The following NEGR1 variants were observed in gnomAD, a reference collection of about 807,000 sequenced individuals.
The protein encoded by NEGR1 is IgLON family member 4.
In NEGR1, 10 loss-of-function variants were observed where a neutral mutation model predicts 40.9. The observed-to-expected ratio is 0.24, with a 90% CI of 0.15 to 0.42. The LOEUF (loss-of-function observed/expected upper bound fraction) is 0.42, where lower values mean the gene tolerates loss of function less well. Among genes scored for constraint, NEGR1 ranks in the 10% least tolerant of loss-of-function variants. The pLI is 1.00. For synonymous variants in NEGR1, 185 were observed against 166.8 expected (o/e 1.11, Z -0.84); for missense variants, 352 against 438.9 (o/e 0.80, Z 1.77).
intron 3 of NEGR1, among the ~76,000 whole-genome samples, chr1:71,709,808 C>A (rs954314438): frequency 1.3e-5 from 2 of 152,128 alleles, no homozygotes; most frequent in African/African-American, 4.8e-5. Context: ...TTGGTCTGGG[C>A]AAACATTTCT....
At chr1:71,854,742 G>T (rs919048327) in intron 2 of NEGR1, among the ~76,000 whole-genome samples, 1 of 152,004 alleles carries the variant, frequency 6.6e-6, no homozygotes, top group African/African-American at 2.4e-5. Context: ...CTGAGCAAAG[G>T]GGGGAAAGTC....
intron 6 of NEGR1, among the ~76,000 whole-genome samples, chr1:71,543,345 AGAT>A (rs1342217193): frequency 6.6e-6 from 1 of 151,726 alleles, no homozygotes; most frequent in Non-Finnish European, 1.5e-5. Context: ...TCAGATCTCA[AGAT>A]GGTAAGAGTT....
intron 1 of NEGR1, among the ~76,000 whole-genome samples, chr1:72,198,893 A>G (rs1653098143): frequency 6.6e-6 from 1 of 151,878 alleles, no homozygotes; most frequent in African/African-American, 2.4e-5. Flanking sequence ...ATATTTAAAA[A>G]TTGATTGTGA....
At chr1:71,580,109 A>G (rs547184443) in intron 6 of NEGR1, among the ~76,000 whole-genome samples, 1 of 152,232 alleles carries the variant, frequency 6.6e-6, no homozygotes, top group African/African-American at 2.4e-5. Context: ...CATATACACC[A>G]TGGAATACTA....
chr1:72,213,619 T>C (rs571712081), intron 1 of NEGR1, among the ~76,000 whole-genome samples: 2 of 151,922 alleles, frequency 1.3e-5, no homozygotes, highest in East Asian at 3.9e-4. Flanking sequence ...TCAAACAAAA[T>C]GTGGTCAACC....
At chr1:71,649,443 T>C (rs1651637683) in intron 4 of NEGR1, among the ~76,000 whole-genome samples, 1 of 152,104 alleles carries the variant, frequency 6.6e-6, no homozygotes, top group Non-Finnish European at 1.5e-5. Flanking sequence ...GGAAACAAGC[T>C]ATCTAGCAAT....
intron 2 of NEGR1, among the ~76,000 whole-genome samples, chr1:71,826,697 TC>T (rs1322961244): frequency 6.6e-6 from 1 of 151,958 alleles, no homozygotes; most frequent in Non-Finnish European, 1.5e-5. Flanking sequence ...TTTTTGTTAT[TC>T]ATTTGTACTA....
chr1:71,707,689 G>A (rs1312849472), intron 3 of NEGR1, among the ~76,000 whole-genome samples: 1 of 152,086 alleles, frequency 6.6e-6, no homozygotes, highest in Non-Finnish European at 1.5e-5. Context: ...AGCAGGCCTG[G>A]GGAGAAACCC....
At chr1:72,129,105 G>C (rs1650142288) in intron 1 of NEGR1, among the ~76,000 whole-genome samples, 1 of 152,108 alleles carries the variant, frequency 6.6e-6, no homozygotes, top group South Asian at 2.1e-4. Context: ...ACAGATGTCA[G>C]ATTGTGGAAC....
At chr1:72,228,942 C>T (rs1301053388) in intron 1 of NEGR1, among the ~76,000 whole-genome samples, 1 of 152,068 alleles carries the variant, frequency 6.6e-6, no homozygotes, top group Non-Finnish European at 1.5e-5. Context: ...TTACTAATAA[C>T]CATCTCTACT....
intron 2 of NEGR1, among the ~76,000 whole-genome samples, chr1:71,885,593 A>C (rs1660702109): frequency 6.6e-6 from 1 of 152,230 alleles, no homozygotes; most frequent in East Asian, 1.9e-4. Context: ...AAGTGTATAC[A>C]TAAAAGCTGA....
chr1:71,543,010 G>A (rs1440218329), intron 6 of NEGR1, among the ~76,000 whole-genome samples: 1 of 151,636 alleles, frequency 6.6e-6, no homozygotes, highest in African/African-American at 2.4e-5. Context: ...TATGACATGA[G>A]TATGTATATA....
At chr1:71,968,606 A>G (rs1439607572) in intron 1 of NEGR1, among the ~76,000 whole-genome samples, 4 of 152,228 alleles carry the variant, frequency 2.6e-5, no homozygotes, top group African/African-American at 9.6e-5. Context: ...AGAGAGATTT[A>G]ACATATTTTG....
chr1:71,479,411 T>C (rs1253590999), intron 6 of NEGR1, among the ~76,000 whole-genome samples: 1 of 152,002 alleles, frequency 6.6e-6, no homozygotes, highest in African/African-American at 2.4e-5. Flanking sequence ...TTTTAGCTGG[T>C]TGGATATAAT....
intron 3 of NEGR1, among the ~76,000 whole-genome samples, chr1:71,763,191 C>T (rs999134726): frequency 4.6e-5 from 7 of 152,060 alleles, no homozygotes; most frequent in African/African-American, 1.7e-4. Flanking sequence ...ACAAACATTG[C>T]ACTAATGACC....
At chr1:71,916,502 C>T (rs1051756578) in intron 2 of NEGR1, among the ~76,000 whole-genome samples, 2 of 152,144 alleles carry the variant, frequency 1.3e-5, no homozygotes, top group African/African-American at 4.8e-5. Context: ...CCTGTAATCG[C>T]AACACTTTGG....
At chr1:72,236,491 C>T (rs1377308391) in intron 1 of NEGR1, among the ~76,000 whole-genome samples, 2 of 151,916 alleles carry the variant, frequency 1.3e-5, no homozygotes, top group Middle Eastern at 3.4e-3. Flanking sequence ...TGAATCGAAA[C>T]AATTTTGAAG....
intron 2 of NEGR1, among the ~76,000 whole-genome samples, chr1:71,846,409 A>C (rs1224981358): frequency 2.2e-5 from 3 of 134,328 alleles, no homozygotes; most frequent in Non-Finnish European, 4.7e-5. Flanking sequence ...ACACAAACAC[A>C]CACACAAACA....
At chr1:71,712,441 T>C (rs1295265267) in intron 3 of NEGR1, among the ~76,000 whole-genome samples, 1 of 152,172 alleles carries the variant, frequency 6.6e-6, no homozygotes, top group Non-Finnish European at 1.5e-5. Flanking sequence ...GCTATCTGTT[T>C]CTTTAGGATT....
Sources: allele counts gnomAD v4.1 joint callset (sites outside exome capture counted in the v4.1 genomes callset), GRCh38; gene constraint gnomAD v4.1.1; transcripts MANE v1.5; gene names NCBI Gene and HGNC (gene_info 2026-07-23, HGNC 2026-07-21).